The following ARHGAP24 variants were observed in gnomAD, a reference collection of about 807,000 sequenced individuals.
ARHGAP24 encodes Rho GTPase activating protein 24, also known as rho GTPase-activating protein 24.
A neutral mutation model predicts 76.4 loss-of-function variants in ARHGAP24; 50 were observed. That is an observed-to-expected ratio of 0.65 (90% CI 0.52 to 0.83). The LOEUF (loss-of-function observed/expected upper bound fraction) is 0.83, where lower values mean the gene tolerates loss of function less well. Ranked by LOEUF, ARHGAP24 falls within the 40% of genes least tolerant of loss-of-function variation. The pLI is 0.00. For missense variants in ARHGAP24, 930 were observed against 914.2 expected (o/e 1.02, Z -0.22); for synonymous variants, 345 against 323.3 (o/e 1.07, Z -0.72).
chr4:85,549,715 A>G (rs988237099), intron 1 of ARHGAP24, among the ~76,000 whole-genome samples: 1 of 152,118 alleles, frequency 6.6e-6, no homozygotes, highest in Non-Finnish European at 1.5e-5. Flanking sequence ...CCCAGGTAAT[A>G]AGCACAGTGC....
At chr4:85,988,859 A>C (rs1740158994) in intron 8 of ARHGAP24, among the ~76,000 whole-genome samples, 1 of 151,766 alleles carries the variant, frequency 6.6e-6, no homozygotes, top group African/African-American at 2.4e-5. Flanking sequence ...AAATGAAAGG[A>C]AAAAGTTCTA....
chr4:85,882,304 GT>G (rs1733304821), intron 3 of ARHGAP24, among the ~76,000 whole-genome samples: 2 of 152,130 alleles, frequency 1.3e-5, no homozygotes, highest in South Asian at 4.1e-4. Context: ...AGTATCATAT[GT>G]TTATGAGGAG....
intron 3 of ARHGAP24, chr4:85,827,907 G>T (rs1729800698): frequency 7.8e-7 from 1 of 1,289,614 alleles, no homozygotes; most frequent in Non-Finnish European, 1.0e-6. Flanking sequence ...CAGAGCAGCT[G>T]CTCTGTCTCC....
intron 2 of ARHGAP24, among the ~76,000 whole-genome samples, chr4:85,603,286 C>A (rs759313096): frequency 1.3e-5 from 2 of 152,132 alleles, no homozygotes; most frequent in South Asian, 2.1e-4. Context: ...AGGTGGTTGA[C>A]CACCTTGAAA....
chr4:85,894,999 A>AAAAG (rs1734083642), intron 3 of ARHGAP24, among the ~76,000 whole-genome samples: 1 of 22,130 alleles, frequency 4.5e-5, no homozygotes, highest in Non-Finnish European at 9.0e-5. Context: ...CAAAACAAAA[A>AAAAG]GCAAAAAAAA....
At chr4:85,791,847 A>C (rs1401532575) in intron 3 of ARHGAP24, among the ~76,000 whole-genome samples, 2 of 152,216 alleles carry the variant, frequency 1.3e-5, no homozygotes, top group Non-Finnish European at 2.9e-5. Context: ...AAATGTTTTG[A>C]TAGGAAATGG....
intron 1 of ARHGAP24, among the ~76,000 whole-genome samples, chr4:85,544,988 G>A (rs1387466383): frequency 1.3e-5 from 2 of 151,916 alleles, no homozygotes; most frequent in African/African-American, 2.4e-5. Flanking sequence ...ACTGCAGATC[G>A]TGTCACACGG....
At chr4:85,717,210 A>G (rs1418112470) in intron 2 of ARHGAP24, among the ~76,000 whole-genome samples, 2 of 152,112 alleles carry the variant, frequency 1.3e-5, no homozygotes, top group Admixed American at 1.3e-4. Flanking sequence ...TCTTCTAGAT[A>G]TAGAGAAAAA....
At chr4:85,910,687 G>A (rs1735027115) in intron 3 of ARHGAP24, among the ~76,000 whole-genome samples, 1 of 152,082 alleles carries the variant, frequency 6.6e-6, no homozygotes, top group African/African-American at 2.4e-5. Context: ...GCTCCTCTCT[G>A]CAGGCAGGTC....
intron 3 of ARHGAP24, among the ~76,000 whole-genome samples, chr4:85,757,742 T>C (rs1160516743): frequency 6.6e-6 from 1 of 152,180 alleles, no homozygotes. Context: ...AGTAATGGGA[T>C]TGCTGAGTCA....
chr4:85,653,175 A>T (rs1291471005), intron 2 of ARHGAP24, among the ~76,000 whole-genome samples: 1 of 152,206 alleles, frequency 6.6e-6, no homozygotes, highest in Non-Finnish European at 1.5e-5. Flanking sequence ...ATGAAAAATA[A>T]CTATGATCTT....
At chr4:85,854,995 A>T (rs1196700028) in intron 3 of ARHGAP24, among the ~76,000 whole-genome samples, 1 of 152,210 alleles carries the variant, frequency 6.6e-6, no homozygotes, top group African/African-American at 2.4e-5. Context: ...GTTCTTATAG[A>T]AGTACCAGGT....
intron 1 of ARHGAP24, among the ~76,000 whole-genome samples, chr4:85,549,684 G>C (rs1426974940): frequency 6.6e-6 from 1 of 152,038 alleles, no homozygotes; most frequent in Admixed American, 6.6e-5. Context: ...CAGGAGTTTC[G>C]TGTACAGATT....
intron 3 of ARHGAP24, among the ~76,000 whole-genome samples, chr4:85,919,162 A>G (rs1416538746): frequency 6.6e-6 from 1 of 152,206 alleles, no homozygotes; most frequent in Non-Finnish European, 1.5e-5. Flanking sequence ...TCTTGAAAGA[A>G]TTTTTTATTC....
rs541770017 is a variant in ARHGAP24 at position 85,660,238 on chromosome 4, A to C, written c.181-61647A>C. 9.9e-4 allele frequency among the ~76,000 whole-genome samples: 151 copies of C among 152,340 alleles called. 1 individual carries two copies. The highest frequency in any genetic ancestry group is 3.4e-3 in the African/African-American group (143 of 41,564). On this transcript the variant is annotated intron_variant, in intron 2 of 9. Coordinates refer to ENST00000395184, the MANE Select transcript of ARHGAP24 (RefSeq NM_001025616.3). ...AAGTCCTGCCTGCCCGCCGTGAAGC[A>C]AGGAAAATGTACTTGCTAATGATTG...
At chr4:85,823,851 C>T (rs959031586) in intron 3 of ARHGAP24, among the ~76,000 whole-genome samples, 24 of 146,944 alleles carry the variant, frequency 1.6e-4, no homozygotes, top group African/African-American at 5.8e-4. Context: ...CCCTCCCTTC[C>T]CTCCCCTCCC....
chr4:85,564,727 C>A (rs1480858581), intron 1 of ARHGAP24, among the ~76,000 whole-genome samples: 2 of 150,858 alleles, frequency 1.3e-5, no homozygotes, highest in African/African-American at 2.4e-5. Flanking sequence ...CCTTGCTGGG[C>A]AGTTCACAAT....
chr4:85,518,490 A>G (rs1724605222), intron 1 of ARHGAP24, among the ~76,000 whole-genome samples: 1 of 151,994 alleles, frequency 6.6e-6, no homozygotes, highest in Non-Finnish European at 1.5e-5. Context: ...ACTGCACCAT[A>G]TTTGTAGTCT....
chr4:85,593,579 A>G (rs945231780), intron 2 of ARHGAP24, among the ~76,000 whole-genome samples: 1 of 152,100 alleles, frequency 6.6e-6, no homozygotes, highest in Non-Finnish European at 1.5e-5. Context: ...TAGTAGTTTC[A>G]TAGTTTGAAG....
Sources: gnomAD v4.1 joint callset for allele counts (sites outside exome capture counted in the v4.1 genomes callset) on GRCh38, gnomAD v4.1.1 for gene constraint, MANE v1.5 for transcripts, NCBI Gene and HGNC (gene_info 2026-07-23, HGNC 2026-07-21) for gene names.